KDM2A: variants seen among roughly 807,000 people sequenced by gnomAD.
The protein encoded by KDM2A is lysine demethylase 2A.
In KDM2A, 3 loss-of-function variants were observed where a neutral mutation model predicts 137.3. That is an observed-to-expected ratio of 0.02 (90% CI 0.01 to 0.06). The LOEUF is 0.06. Among genes scored for constraint, KDM2A ranks in the 10% least tolerant of loss-of-function variants. KDM2A has a pLI of 1.00. For missense variants in KDM2A, 738 were observed against 1,510.6 expected (o/e 0.49, Z 8.48); for synonymous variants, 512 against 541.5 (o/e 0.95, Z 0.76).
At chr11:67,132,014 G>A (rs1308934258) in intron 2 of KDM2A, 1 of 152,188 alleles carries the variant, frequency 6.6e-6, no homozygotes, top group African/African-American at 2.4e-5. Context: ...AAGATAAAAG[G>A]CAGCAAATAG....
In KDM2A at chr11:67,250,739, C is replaced by T; in HGVS notation, c.2709C>T (p.Arg903=). ...MQREVWMSVF[R]YLSRRELCEC... Reference sequence around the variant, plus strand: ...GGGAGGTCTGGATGTCTGTCTTCCGCTACCTCAGCCGCAGAGAACTTTGTG... The same window carrying T: ...GGGAGGTCTGGATGTCTGTCTTCCGTTACCTCAGCCGCAGAGAACTTTGTG... The change falls in exon 17 of 21, where the codon CGC becomes CGT. Residue 903 remains arginine (R), a synonymous_variant. Coordinates refer to ENST00000529006, the MANE Select transcript of KDM2A (RefSeq NM_012308.3). This position sits in a 1 kb window ranked among gnomAD's most constrained non-coding sequence, Gnocchi z 7.1. 6.4e-7 allele frequency: 1 copy of T among 1,553,978 alleles called. No individual in the cohort carries two copies. Among genetic ancestry groups the T allele is most frequent in the Non-Finnish European group, 8.7e-7 (1 of 1,149,350 alleles).
chr11:67,247,063 A>ATTT (rs1212913269), intron 15 of KDM2A, among the ~76,000 whole-genome samples: 12 of 25,016 alleles, frequency 4.8e-4, no homozygotes, highest in Admixed American at 1.3e-3. Context: ...ATATATATAT[A>ATTT]TATATATATT....
At chr11:67,165,685 A>G (rs760811222) in intron 2 of KDM2A, among the ~76,000 whole-genome samples, 69 of 152,110 alleles carry the variant, frequency 4.5e-4, no homozygotes, top group Admixed American at 1.6e-3. Context: ...ACTGCTTGCT[A>G]TCTCCCTTAA....
In KDM2A at chr11:67,243,036, G is replaced by A. The variant is rs1182154452; in HGVS notation, c.1507G>A (p.Asp503Asn). 2.5e-6 allele frequency: 4 copies of A among 1,613,638 alleles called. No homozygotes were observed. The highest frequency in any genetic ancestry group is 1.7e-5 in the Admixed American group (1 of 59,996). The change falls in exon 13 of 21, where the codon GAT becomes AAT. Residue 503 changes from aspartate (D) to asparagine (N), a missense_variant. Around this residue, in one of 9 missense-constraint regions of KDM2A, gnomAD observed 71 missense variants for 147.9 expected, o/e 0.48. Coordinates refer to ENST00000529006, the MANE Select transcript of KDM2A (RefSeq NM_012308.3). ...TTTGCTGGAGGAGCTTGCCAACAGC[G>A]ATCCCAAGTTAGCCCTCACTGGAGT... is the stretch of plus-strand genomic sequence containing the variant. ...KILLEELANS[D>N]PKLALTGVPI...
At chr11:67,198,133 A>G (rs1008093083) in intron 5 of KDM2A, among the ~76,000 whole-genome samples, 30 of 152,078 alleles carry the variant, frequency 2.0e-4, no homozygotes, top group African/African-American at 6.5e-4. Context: ...AGTGGCAGGG[A>G]TGGAAGAAAA....
In KDM2A at chr11:67,149,575, A is replaced by G. The variant is rs575693187; in HGVS notation, c.42+28217A>G. Among the ~76,000 whole-genome samples the G allele has an allele frequency of 2.0e-5, 3 of 152,116 alleles. No individual in the cohort carries two copies. In the East Asian group the frequency reaches 5.8e-4, roughly 29 times the overall value. ...ACCTTAATCCTAACCCCTTCACCAG[A>G]TGTAATCATTTTATTAGTTAATATA... On this transcript the variant is annotated intron_variant, in intron 2 of 20. Coordinates refer to ENST00000529006, the MANE Select transcript of KDM2A (RefSeq NM_012308.3).
chr11:67,225,195 T>C (rs1858502413), intron 10 of KDM2A, among the ~76,000 whole-genome samples: 1 of 152,212 alleles, frequency 6.6e-6, no homozygotes, highest in Non-Finnish European at 1.5e-5. Context: ...CACATCACTC[T>C]AGTATACTGA....
intron 2 of KDM2A, among the ~76,000 whole-genome samples, chr11:67,145,302 T>G (rs1856217938): frequency 6.6e-6 from 1 of 151,442 alleles, no homozygotes; most frequent in Non-Finnish European, 1.5e-5. Context: ...CTGGCCAACA[T>G]GGTGAAACCC....
chr11:67,200,048 A>G lies in KDM2A; in HGVS notation c.308-7462A>G, dbSNP rs931656576. Among the ~76,000 whole-genome samples the G allele has an allele frequency of 7.9e-5, 12 of 152,200 alleles. 1 individual carries two copies. The highest frequency in any genetic ancestry group is 5.2e-4 in the Admixed American group (8 of 15,268). ...CTATTAATGGAACAACAAAGCCTAG[A>G]TGATATCACATCTGTTTTACAGCAT... On this transcript the variant is annotated intron_variant, in intron 5 of 20. Transcript: ENST00000529006.
chr11:67,163,013 ATTTCTTTTTC>A (rs1377262526), intron 2 of KDM2A, among the ~76,000 whole-genome samples: 26 of 152,262 alleles, frequency 1.7e-4, no homozygotes, highest in Admixed American at 3.3e-4. Context: ...CGTGGCCATG[ATTTCTTTTTC>A]TTAAAGTTAG....
At chr11:67,165,988 C>G (rs894988000) in intron 2 of KDM2A, among the ~76,000 whole-genome samples, 4 of 152,074 alleles carry the variant, frequency 2.6e-5, no homozygotes, top group Non-Finnish European at 5.9e-5. Flanking sequence ...ATACTGATGA[C>G]TTAACAGTTG....
intron 5 of KDM2A, among the ~76,000 whole-genome samples, chr11:67,186,791 G>T (rs1028592914): frequency 3.3e-5 from 5 of 152,132 alleles, no homozygotes; most frequent in African/African-American, 1.2e-4. Flanking sequence ...AGTAGAACGG[G>T]GTATAGTGGT....
rs1267093960 is a variant in KDM2A at position 67,246,915 on chromosome 11, A to G, written c.1965+799A>G. Among the ~76,000 whole-genome samples, 6 of 151,450 alleles carry G rather than the reference A, an allele frequency of 4.0e-5. No homozygotes were observed. In the East Asian group the frequency reaches 1.2e-3, roughly 29 times the overall value. On this transcript the variant is annotated intron_variant, in intron 15 of 20. Coordinates refer to ENST00000529006, the MANE Select transcript of KDM2A (RefSeq NM_012308.3). Reference sequence around the variant, plus strand: ...GTCAGTATTTGGAGGCATTAAGCATATGTTGAATGAAGAACCGGGTTTTTG... The same window carrying G: ...GTCAGTATTTGGAGGCATTAAGCATGTGTTGAATGAAGAACCGGGTTTTTG...
At chr11:67,184,349 G>T (rs1857155676) in intron 5 of KDM2A, among the ~76,000 whole-genome samples, 1 of 152,018 alleles carries the variant, frequency 6.6e-6, no homozygotes, top group South Asian at 2.1e-4. Context: ...CAAAAATTAG[G>T]CCGGGTGCGG....
chr11:67,207,622 C>A lies in KDM2A; in HGVS notation c.420C>A (p.Leu140=), dbSNP rs1857846199. ...YETPEEEREK[L]YNVISLEFSH... ...CCCCAGAGGAGGAGCGAGAGAAACT[C>A]TATAATGTCATCAGCCTCGAGTTTA... Residue 140 remains leucine (L), a synonymous_variant, in exon 6 of 21, where the codon CTC becomes CTA. Transcript: ENST00000529006. 6.2e-7 allele frequency: 1 copy of A among 1,613,602 alleles called. No individual in the cohort carries two copies. The highest frequency in any genetic ancestry group is 1.7e-5 in the Admixed American group (1 of 59,972).
At position 67,208,321 on chromosome 11, in the gene KDM2A, C is replaced by T. The variant is rs1857875751; in HGVS notation, c.486+633C>T. On this transcript the variant is annotated intron_variant, in intron 6 of 20. Coordinates refer to ENST00000529006, the MANE Select transcript of KDM2A (RefSeq NM_012308.3). The stretch of plus-strand genomic sequence containing the variant: ...CTGCTGGGCTCAAGCAGTTCTCCCA[C>T]CTTGGCCTCCCAAAGTGCTGGGATT... Among the ~76,000 whole-genome samples the T allele has an allele frequency of 2.0e-5, 3 of 151,960 alleles. No homozygotes were observed. The South Asian group carries it at 6.2e-4, about 32-fold the overall frequency.
intron 2 of KDM2A, among the ~76,000 whole-genome samples, chr11:67,161,524 TG>T (rs1207810968): frequency 6.6e-6 from 1 of 152,228 alleles, no homozygotes; most frequent in African/African-American, 2.4e-5. Flanking sequence ...TACTATTATA[TG>T]CATGGATATA....
At chr11:67,141,562 G>A (rs1856098150) in intron 2 of KDM2A, among the ~76,000 whole-genome samples, 1 of 150,334 alleles carries the variant, frequency 6.7e-6, no homozygotes, top group Non-Finnish European at 1.5e-5. Flanking sequence ...AGCTGCTCGG[G>A]AGGCTAAGGC....
chr11:67,201,426 G>A (rs1195564349), intron 5 of KDM2A, among the ~76,000 whole-genome samples: 1 of 151,856 alleles, frequency 6.6e-6, no homozygotes, highest in Non-Finnish European at 1.5e-5. Context: ...GATCCCTTGA[G>A]GCCAGGAGTT....
Sources: allele counts gnomAD v4.1 joint callset (sites outside exome capture counted in the v4.1 genomes callset), GRCh38; gene constraint gnomAD v4.1.1; regional missense constraint gnomAD v4.1.1; non-coding constraint Gnocchi (gnomAD v3.1); transcripts MANE v1.5; gene names NCBI Gene and HGNC (gene_info 2026-07-23, HGNC 2026-07-21).